The following HELZ variants were observed in gnomAD, a reference collection of about 807,000 sequenced individuals.
HELZ encodes ATP-dependent RNA helicase with zinc finger domain.
HELZ carries 23 observed loss-of-function variants against 218.2 expected under a neutral mutation model. That is an observed-to-expected ratio of 0.11 (90% confidence interval 0.08 to 0.15). The LOEUF is 0.15. Ranked by LOEUF, HELZ falls within the 10% of genes least tolerant of loss-of-function variation. The pLI is 1.00. For synonymous variants in HELZ, 814 were observed against 829.4 expected (o/e 0.98, Z 0.32); for missense variants, 1,813 against 2,353.7 (o/e 0.77, Z 4.75).
At chr17:67,100,751 A>T (rs2036899469) in intron 31 of HELZ, among the ~76,000 whole-genome samples, 1 of 152,142 alleles carries the variant, frequency 6.6e-6, no homozygotes, top group Non-Finnish European at 1.5e-5. Context: ...GATTTAAATG[A>T]AGATGCTACA....
At chr17:67,168,387 T>A (rs567442136) in intron 13 of HELZ, among the ~76,000 whole-genome samples, 1 of 152,274 alleles carries the variant, frequency 6.6e-6, no homozygotes, top group South Asian at 2.1e-4. Context: ...GTATTTAAAA[T>A]GAAACTAAAT....
intron 13 of HELZ, among the ~76,000 whole-genome samples, chr17:67,174,316 T>G (rs920344938): frequency 6.6e-6 from 1 of 152,020 alleles, no homozygotes; most frequent in South Asian, 2.1e-4. Flanking sequence ...AAAATGACCA[T>G]GTAAAAGGCA....
At chr17:67,134,945 A>G (rs1446186505) in intron 23 of HELZ, among the ~76,000 whole-genome samples, 1 of 151,832 alleles carries the variant, frequency 6.6e-6, no homozygotes, top group Non-Finnish European at 1.5e-5. Context: ...TTTCTTTTTC[A>G]CAAAAGAATA....
chr17:67,086,771 C>T (rs1319468576), intron 32 of HELZ, 58 bp downstream of exon 32: 4 of 1,581,962 alleles, frequency 2.5e-6, no homozygotes, highest in Non-Finnish European at 3.5e-6. Context: ...AGAAAAACTC[C>T]ACAGATATCC....
intron 7 of HELZ, among the ~76,000 whole-genome samples, chr17:67,197,680 T>A (rs1346672235): frequency 6.6e-6 from 1 of 152,236 alleles, no homozygotes; most frequent in Non-Finnish European, 1.5e-5. Flanking sequence ...AAATCTGGAA[T>A]ATCTTGTACC....
chr17:67,237,022 T>C (rs905277813), intron 3 of HELZ, among the ~76,000 whole-genome samples: 1 of 152,172 alleles, frequency 6.6e-6, no homozygotes, highest in African/African-American at 2.4e-5. Context: ...AGACAAATCA[T>C]GCAAAACAAG....
chr17:67,205,680 T>C (rs1441683686), intron 5 of HELZ, among the ~76,000 whole-genome samples: 1 of 152,224 alleles, frequency 6.6e-6, no homozygotes, highest in Admixed American at 6.5e-5. Context: ...CATATGATGA[T>C]GTCATACTTA....
intron 19 of HELZ, among the ~76,000 whole-genome samples, chr17:67,149,572 AT>A (rs1028040075): frequency 1.3e-5 from 2 of 152,158 alleles, no homozygotes; most frequent in African/African-American, 4.8e-5. Context: ...GATCATTTAA[AT>A]TTCACTTCAC....
At chr17:67,136,914 T>G (rs956535306) in intron 22 of HELZ, among the ~76,000 whole-genome samples, 1 of 152,130 alleles carries the variant, frequency 6.6e-6, no homozygotes, top group Non-Finnish European at 1.5e-5. Context: ...AGAACTTATG[T>G]GCATAAAAAT....
intron 3 of HELZ, chr17:67,224,902 G>A: frequency 1.3e-6 from 1 of 741,802 alleles, no homozygotes; most frequent in Non-Finnish European, 2.5e-6. Flanking sequence ...CCGGAAGAAG[G>A]CTAAAACTAC....
intron 32 of HELZ, among the ~76,000 whole-genome samples, chr17:67,080,854 G>C (rs1415358328): frequency 6.6e-6 from 1 of 152,156 alleles, no homozygotes; most frequent in East Asian, 1.9e-4. Context: ...GAAAGACTAG[G>C]AGGGCACAGG....
At chr17:67,183,819 A>G (rs1311068859) in intron 12 of HELZ, among the ~76,000 whole-genome samples, 1 of 152,104 alleles carries the variant, frequency 6.6e-6, no homozygotes, top group Non-Finnish European at 1.5e-5. Flanking sequence ...TTTTTAGTAT[A>G]TAGTGTCTTT....
chr17:67,133,972 A>C (rs2038066489), intron 23 of HELZ, among the ~76,000 whole-genome samples: 1 of 152,230 alleles, frequency 6.6e-6, no homozygotes, highest in Admixed American at 6.5e-5. Context: ...GCAACATTCT[A>C]AACGAAATAT....
intron 3 of HELZ, among the ~76,000 whole-genome samples, chr17:67,230,175 C>T (rs1237534126): frequency 1.3e-5 from 2 of 152,078 alleles, no homozygotes; most frequent in East Asian, 3.8e-4. Context: ...GGGTTTCCAG[C>T]AATTCTGGAG....
chr17:67,075,986 C>T lies in HELZ; in HGVS notation c.*2266G>A, dbSNP rs911121626. 6.6e-6 allele frequency: 1 copy of T among 152,504 alleles called. No individual in the cohort carries two copies. The highest frequency in any genetic ancestry group is 2.4e-5 in the African/African-American group (1 of 41,392). The allele number at this position is 152,504 out of a possible 1,614,324, so 9.4% of individuals were successfully genotyped here. On this transcript the variant is annotated 3_prime_UTR_variant, in exon 33 of 33. Coordinates refer to ENST00000358691, the MANE Select transcript of HELZ (RefSeq NM_014877.4). ...GGGGTGCATACACGACCCCATGACC[C>T]TTAACTAAATATAAATATAAATAAT...
chr17:67,090,249 T>C (rs2036538880), intron 31 of HELZ, among the ~76,000 whole-genome samples: 1 of 152,194 alleles, frequency 6.6e-6, no homozygotes, highest in South Asian at 2.1e-4. Context: ...CCTTGCATTC[T>C]AGAGATAAGC....
At chr17:67,236,395 C>T (rs1277231267) in intron 3 of HELZ, among the ~76,000 whole-genome samples, 1 of 151,860 alleles carries the variant, frequency 6.6e-6, no homozygotes, top group Non-Finnish European at 1.5e-5. Context: ...ACACTGATAC[C>T]CCTTAACATA....
At position 67,136,075 on chromosome 17, in the gene HELZ, C is replaced by A; in HGVS notation, c.3077G>T (p.Gly1026Val). The change falls in exon 23 of 33, where the codon GGT (glycine) becomes GTT (valine). Residue 1026 changes from glycine to valine, a missense_variant. Around this residue, in one of 4 missense-constraint regions of HELZ, gnomAD observed 156 missense variants for 274.4 expected, o/e 0.57. Transcript: ENST00000358691. ...GAGAAGCTTGTAGTTAGATAAAAAACCATAATCTAAGTCCTCTGTGGAATC... is the reference window on the plus strand; with the variant it reads ...GAGAAGCTTGTAGTTAGATAAAAAAACATAATCTAAGTCCTCTGTGGAATC... ...LEDSTEDLDY[G>V]FLSNYKLLNT... The A allele has an allele frequency of 6.2e-7, 1 of 1,613,766 alleles. No individual in the cohort carries two copies. The highest frequency in any genetic ancestry group is 8.5e-7 in the Non-Finnish European group (1 of 1,179,772).
At chr17:67,210,943 G>A (rs958530611) in intron 5 of HELZ, among the ~76,000 whole-genome samples, 1 of 152,080 alleles carries the variant, frequency 6.6e-6, no homozygotes, top group African/African-American at 2.4e-5. Flanking sequence ...CCTATATAAT[G>A]ACTATTCGAA....
Sources: allele counts gnomAD v4.1 joint callset (sites outside exome capture counted in the v4.1 genomes callset), GRCh38; gene constraint gnomAD v4.1.1; regional missense constraint gnomAD v4.1.1; transcripts MANE v1.5; gene names NCBI Gene and HGNC (gene_info 2026-07-23, HGNC 2026-07-21).